Variants in NALCN observed in about 807,000 individuals in gnomAD.
NALCN encodes the protein sodium leak channel, non-selective, also known as sodium leak channel NALCN.
NALCN carries 111 observed loss-of-function variants against 225.3 expected under a neutral mutation model. That is an observed-to-expected ratio of 0.49 (90% confidence interval 0.42 to 0.58). NALCN has a LOEUF of 0.58. NALCN is among the 20% of genes least tolerant of loss of function. NALCN has a pLI of 0.00. For synonymous variants in NALCN, 764 were observed against 769.0 expected (o/e 0.99, Z 0.11); for missense variants, 1,378 against 2,202.4 (o/e 0.63, Z 7.49).
At chr13:101,056,246 CTTTTTTTTTTTTTTTTT>C (rs34583741) in intron 43 of NALCN, among the ~76,000 whole-genome samples, 12 of 45,852 alleles carry the variant, frequency 2.6e-4, no homozygotes, top group African/African-American at 1.0e-3. Context: ...AGTGGAAGTA[CTTTTTTTTTTTTTTTTT>C]TTTTTTTTTT....
chr13:101,343,023 T>C (rs915463425), intron 7 of NALCN, among the ~76,000 whole-genome samples: 1 of 152,166 alleles, frequency 6.6e-6, no homozygotes, highest in East Asian at 1.9e-4. Flanking sequence ...TTCAAGTATA[T>C]TAGCCAAATT....
intron 10 of NALCN, among the ~76,000 whole-genome samples, chr13:101,271,952 G>C (rs2042797494): frequency 6.6e-6 from 1 of 151,278 alleles, no homozygotes; most frequent in Non-Finnish European, 1.5e-5. Flanking sequence ...GTGTGTGCAT[G>C]AGCATGTGCG....
At chr13:101,137,364 A>G (rs652448) in intron 17 of NALCN, among the ~76,000 whole-genome samples, 42,010 of 151,956 alleles carry the variant, frequency 0.28, 7,258 homozygotes, top group African/African-American at 0.48. Flanking sequence ...TCGTTCGTTC[A>G]TTTGTTCATT....
chr13:101,092,517 C>G (rs2034287579), intron 28 of NALCN, among the ~76,000 whole-genome samples: 1 of 152,196 alleles, frequency 6.6e-6, no homozygotes, highest in Non-Finnish European at 1.5e-5. Flanking sequence ...CCTCACCTGC[C>G]TCTGACCCTG....
intron 7 of NALCN, among the ~76,000 whole-genome samples, chr13:101,326,927 C>G (rs1443947625): frequency 6.6e-6 from 1 of 152,178 alleles, no homozygotes; most frequent in Non-Finnish European, 1.5e-5. Flanking sequence ...GACTGGGCTT[C>G]TCTCCATGGT....
chr13:101,259,534 C>T (rs1160453189), intron 10 of NALCN, among the ~76,000 whole-genome samples: 3 of 151,262 alleles, frequency 2.0e-5, no homozygotes, highest in African/African-American at 7.3e-5. Flanking sequence ...CAGGGTTTCA[C>T]CACGTTAGCC....
chr13:101,290,595 A>C (rs2043516788), intron 9 of NALCN, among the ~76,000 whole-genome samples: 1 of 152,242 alleles, frequency 6.6e-6, no homozygotes, highest in South Asian at 2.1e-4. Context: ...GTAAAAACTG[A>C]ATAAGACTGA....
At chr13:101,360,144 CTTTT>C (rs770223959) in intron 6 of NALCN, among the ~76,000 whole-genome samples, 1 of 138,462 alleles carries the variant, frequency 7.2e-6, no homozygotes, top group Non-Finnish European at 1.5e-5. Flanking sequence ...TTCTTTCTCT[CTTTT>C]TTTCTTTCTT....
rs1412610225 is a variant in NALCN, at chr13:101,068,785, C to A, written c.4240G>T (p.Ala1414Ser). 1.9e-6 allele frequency: 3 copies of A among 1,612,010 alleles called. No individual in the cohort carries two copies. The African/African-American group carries it at 4.0e-5, about 22-fold the overall frequency. ...CCAGCATAATTTCCACAGTCTGTTG[C>A]CCAGTATGTAAATTCATCTGGAGTA... ...FCTPDEFTYW[A>S]TDCGNYAGAL... The change falls in exon 38 of 44, where the codon GCA (alanine) becomes TCA (serine). Residue 1414 changes from alanine (A) to serine (S), a missense_variant. Transcript: ENST00000251127.
At chr13:101,073,763 T>C (rs2033064596) in intron 36 of NALCN, 86 bp from the exon 37 acceptor site, 3 of 1,170,700 alleles carry the variant, frequency 2.6e-6, no homozygotes, top group Non-Finnish European at 3.6e-6. Flanking sequence ...CCAAAACAAG[T>C]GGAGGTTGTA....
intron 7 of NALCN, among the ~76,000 whole-genome samples, chr13:101,333,792 C>A (rs969032767): frequency 2.6e-5 from 4 of 152,178 alleles, no homozygotes; most frequent in African/African-American, 9.6e-5. Flanking sequence ...TTATGTTCTG[C>A]AGGCTGCTGT....
At chr13:101,303,968 C>T (rs1240541288) in intron 7 of NALCN, among the ~76,000 whole-genome samples, 2 of 152,106 alleles carry the variant, frequency 1.3e-5, no homozygotes, top group Admixed American at 6.6e-5. Context: ...GAGCAATTGG[C>T]AATTATTTAA....
At chr13:101,090,062 G>A in intron 28 of NALCN, 96 bp from the exon 29 acceptor site, 12 of 1,118,054 alleles carry the variant, frequency 1.1e-5, no homozygotes, top group Admixed American at 2.2e-5. Context: ...TGTGGGATAT[G>A]TGTGTGTGTG....
At chr13:101,225,920 A>G (rs2041123644) in intron 13 of NALCN, among the ~76,000 whole-genome samples, 1 of 152,086 alleles carries the variant, frequency 6.6e-6, no homozygotes, top group Non-Finnish European at 1.5e-5. Flanking sequence ...GATCATGGAC[A>G]TCTCACAATT....
chr13:101,129,144 T>A (rs1019067360), intron 17 of NALCN, among the ~76,000 whole-genome samples: 7 of 152,168 alleles, frequency 4.6e-5, no homozygotes, highest in Non-Finnish European at 1.0e-4. Flanking sequence ...ATTTATTAGT[T>A]GGGATAGTTT....
intron 3 of NALCN, among the ~76,000 whole-genome samples, chr13:101,393,455 C>T (rs1227772622): frequency 6.6e-6 from 1 of 152,170 alleles, no homozygotes; most frequent in Non-Finnish European, 1.5e-5. Context: ...GAATCTTCCA[C>T]AAGACAAAAG....
At chr13:101,056,185 A>G (rs998684423) in intron 43 of NALCN, among the ~76,000 whole-genome samples, 1 of 147,062 alleles carries the variant, frequency 6.8e-6, no homozygotes, top group Non-Finnish European at 1.5e-5. Flanking sequence ...CCCCAAGAGC[A>G]TGTCTATTTC....
At chr13:101,405,906 A>G (rs1277620553) in intron 1 of NALCN, among the ~76,000 whole-genome samples, 1 of 152,144 alleles carries the variant, frequency 6.6e-6, no homozygotes, top group Admixed American at 6.5e-5. Context: ...ATGTTAAAAT[A>G]GTGAGCTCAC....
chr13:101,297,525 T>A (rs1025466449), intron 7 of NALCN, among the ~76,000 whole-genome samples: 1 of 152,198 alleles, frequency 6.6e-6, no homozygotes, highest in Admixed American at 6.5e-5. Context: ...GAACACCCCA[T>A]CTTCTGAGAC....
Sources: allele counts gnomAD v4.1 joint callset (sites outside exome capture counted in the v4.1 genomes callset), GRCh38; gene constraint gnomAD v4.1.1; transcripts MANE v1.5; gene names NCBI Gene and HGNC (gene_info 2026-07-23, HGNC 2026-07-21).